Variants in ARHGAP9 observed in about 807,000 individuals in gnomAD.
ARHGAP9 encodes Rho GTPase activating protein 9, also known as rho GTPase-activating protein 9.
ARHGAP9 carries 76 observed loss-of-function variants against 87.3 expected under a neutral mutation model. That is an observed-to-expected ratio of 0.87 (90% CI 0.72 to 1.05). ARHGAP9 has a LOEUF of 1.05. Among genes scored for constraint, ARHGAP9 ranks in the 50% least tolerant of loss-of-function variants. The pLI is 0.00. For synonymous variants in ARHGAP9, 382 were observed against 394.9 expected (o/e 0.97, Z 0.39); for missense variants, 941 against 960.5 (o/e 0.98, Z 0.27).
intron 17 of ARHGAP9, 35 bp downstream of exon 17, chr12:57,473,567 TC>T (rs1453147133): frequency 6.3e-7 from 1 of 1,579,106 alleles, no homozygotes; most frequent in Admixed American, 1.7e-5. Context: ...ACTCCACCTT[TC>T]CCCAGCATGA....
chr12:57,488,357 C>A (rs148585262), intron 1 of ARHGAP9: 3 of 743,116 alleles, frequency 4.0e-6, no homozygotes, highest in South Asian at 3.6e-5. Context: ...TCTTCCCTCC[C>A]AGTCACATCT....
upstream of ARHGAP9, among the ~76,000 whole-genome samples, chr12:57,480,406 T>A (rs1434593731): frequency 6.6e-6 from 1 of 152,060 alleles, no homozygotes; most frequent in Non-Finnish European, 1.5e-5. Flanking sequence ...GGTCTAGAAC[T>A]CCTGACCTCA....
upstream of ARHGAP9, chr12:57,479,893 A>G (rs1874841214): frequency 6.9e-7 from 1 of 1,449,932 alleles, no homozygotes; most frequent in Non-Finnish European, 9.1e-7. Context: ...GTTATTCTTT[A>G]TTAAATTTAT....
rs745703729 is a variant in ARHGAP9 at position 57,475,475 on chromosome 12, C to T, written c.1444+8G>A. The T allele has an allele frequency of 1.9e-6, 3 of 1,592,000 alleles. No homozygotes were observed. The highest frequency in any genetic ancestry group is 2.3e-5 in the South Asian group (2 of 88,092). The stretch of plus-strand genomic sequence containing the variant: ...TCCCGGACTCTCCCTCCCCAGCCCG[C>T]GCCTCACTGGAGCTCCGGCGGCTGC... On this transcript the variant is annotated splice_region_variant and intron_variant, in intron 11 of 17. Coordinates refer to ENST00000393791, the MANE Select transcript of ARHGAP9 (RefSeq NM_032496.4).
At chr12:57,487,915 A>T (rs1397015609) in intron 1 of ARHGAP9, 1 of 594,442 alleles carries the variant, frequency 1.7e-6, no homozygotes, top group Non-Finnish European at 3.0e-6. Context: ...CATCTCGATG[A>T]TAGTCTTTTC....
At chr12:57,487,885 G>C in intron 1 of ARHGAP9, 1 of 475,220 alleles carries the variant, frequency 2.1e-6, no homozygotes, top group Non-Finnish European at 3.8e-6. Context: ...GTGCAGTCTA[G>C]CCCGCATCTG....
intron 17 of ARHGAP9, among the ~76,000 whole-genome samples, chr12:57,473,032 G>C (rs997608028): frequency 6.6e-6 from 1 of 152,210 alleles, no homozygotes; most frequent in Non-Finnish European, 1.5e-5. Flanking sequence ...CCCAATGGGA[G>C]ACAAAGAGGC....
chr12:57,478,700 G>A lies in ARHGAP9; in HGVS notation c.374C>T (p.Ala125Val). The A allele has an allele frequency of 6.2e-7, 1 of 1,614,106 alleles. No homozygotes were observed. The highest frequency in any genetic ancestry group is 8.5e-7 in the Non-Finnish European group (1 of 1,179,988). ...EELSQALPSR[A>V]QASSEQPPPL... is the part of the protein sequence containing the mutation. ...AGGAGGCTGCTCCGAGCTAGCCTGA[G>A]CCCTGCTTGGGAGGGCCTGAGACAA... Residue 125 changes from alanine to valine, a missense_variant, in exon 3 of 18, where the codon GCT becomes GTT. Ala to Val is a moderately conservative substitution (Grantham distance 64). Transcript: ENST00000393791.
At chr12:57,476,202 G>GT in intron 8 of ARHGAP9, 36 bp from the exon 9 acceptor site, 1 of 1,518,594 alleles carries the variant, frequency 6.6e-7, no homozygotes, top group Non-Finnish European at 8.9e-7. Context: ...CCACGGTGTT[G>GT]TTTCCTTCAC....
chr12:57,486,859 C>T (rs1266746111), intron 1 of ARHGAP9, among the ~76,000 whole-genome samples: 1 of 139,504 alleles, frequency 7.2e-6, no homozygotes, highest in African/African-American at 2.6e-5. Context: ...GCAGTCCAGA[C>T]TGGGGGGCAG....
At chr12:57,483,410 T>C (rs1275246365), upstream of ARHGAP9, among the ~76,000 whole-genome samples, 2 of 152,218 alleles carry the variant, frequency 1.3e-5, no homozygotes, top group African/African-American at 4.8e-5. Flanking sequence ...TAGTTCTCAT[T>C]GCATATAGTT....
At chr12:57,474,546 C>A in intron 14 of ARHGAP9, 70 bp from the exon 15 acceptor site, 1 of 1,613,046 alleles carries the variant, frequency 6.2e-7, no homozygotes, top group Admixed American at 1.7e-5. Flanking sequence ...CTCTATTCTG[C>A]CAGCTTCCTC....
At chr12:57,482,729 A>C (rs1342649885), upstream of ARHGAP9, among the ~76,000 whole-genome samples, 1 of 152,170 alleles carries the variant, frequency 6.6e-6, no homozygotes. Context: ...AAATAATTTA[A>C]TAAATATTTA....
At chr12:57,487,855 A>C (rs1365412995) in intron 1 of ARHGAP9, 2 of 321,204 alleles carry the variant, frequency 6.2e-6, no homozygotes, top group Non-Finnish European at 1.1e-5. Flanking sequence ...TCTCACAAAA[A>C]AAAAAAAAAA....
intron 6 of ARHGAP9, 52 bp from the exon 7 acceptor site, chr12:57,476,703 G>C (rs755584858): frequency 6.2e-7 from 1 of 1,610,596 alleles, no homozygotes. Context: ...CTCCATAGTG[G>C]CCACGGCTTT....
chr12:57,477,031 A>G (rs769198389), intron 5 of ARHGAP9, 68 bp from the exon 6 acceptor site: 4 of 1,071,308 alleles, frequency 3.7e-6, no homozygotes, highest in Non-Finnish European at 1.3e-6. Context: ...TGAAGGAGGA[A>G]GAGGGGTGGG....
At chr12:57,474,846 G>T in intron 13 of ARHGAP9, 29 bp downstream of exon 13, 1 of 1,613,604 alleles carries the variant, frequency 6.2e-7, no homozygotes, top group East Asian at 2.2e-5. Context: ...CCTGTTGGAA[G>T]AGGATTCTGG....
Position 57,476,361 on chromosome 12 carries a change from C to T in ARHGAP9, c.1116+3G>A, listed in dbSNP as rs771659188. The T allele has an allele frequency of 1.3e-5, 21 of 1,613,724 alleles. No homozygotes were observed. Among genetic ancestry groups the T allele is most frequent in the Non-Finnish European group, 1.7e-5 (20 of 1,179,934 alleles). ...CCATCCTGCGCCTCTCGCTCACACTCACCCAGCCTGAGGAGGGCGCTGTCG... is the reference window on the plus strand; with the variant it reads ...CCATCCTGCGCCTCTCGCTCACACTTACCCAGCCTGAGGAGGGCGCTGTCG... On this transcript the variant is annotated splice_donor_region_variant and intron_variant, in intron 8 of 17. Coordinates refer to ENST00000393791, the MANE Select transcript of ARHGAP9 (RefSeq NM_032496.4).
chr12:57,483,107 AC>A (rs1289251152), upstream of ARHGAP9, among the ~76,000 whole-genome samples: 12 of 152,182 alleles, frequency 7.9e-5, no homozygotes, highest in East Asian at 2.3e-3. Context: ...TTAAAACAAA[AC>A]AAAAAAATAT....
Sources: gnomAD v4.1 joint callset for allele counts (sites outside exome capture counted in the v4.1 genomes callset) on GRCh38, gnomAD v4.1.1 for gene constraint, MANE v1.5 for transcripts, NCBI Gene and HGNC (gene_info 2026-07-23, HGNC 2026-07-21) for gene names.